The following COL4A3 variants were observed in gnomAD, a reference collection of about 807,000 sequenced individuals.
COL4A3 encodes collagen type IV alpha 3 chain.
A neutral mutation model predicts 217.4 loss-of-function variants in COL4A3; 135 were observed. The ratio of observed to expected loss-of-function variants is 0.62; its 90% CI spans 0.54 to 0.72. The LOEUF is 0.72. COL4A3 is among the 30% of genes least tolerant of loss of function. The pLI, the probability that COL4A3 is intolerant of heterozygous loss-of-function variation, is 0.00. For synonymous variants in COL4A3, 690 were observed against 736.3 expected (o/e 0.94, Z 1.02); for missense variants, 1,868 against 2,119.9 (o/e 0.88, Z 2.33).
In COL4A3 at chr2:227,300,749, G is replaced by A. The variant is rs544226072; in HGVS notation, c.3882+1937G>A. ...ACTGTGTGGTAGGAAGAATGCAGGG[G>A]GCTGTGGGGACACAGAGGAAGGGTA... On this transcript the variant is annotated intron_variant, in intron 43 of 51. Coordinates refer to ENST00000396578, the MANE Select transcript of COL4A3 (RefSeq NM_000091.5). 4.7e-4 allele frequency among the ~76,000 whole-genome samples: 71 copies of A among 152,308 alleles called. 1 individual carries two copies. The highest frequency in any genetic ancestry group is 8.4e-4 in the Non-Finnish European group (57 of 68,030).
chr2:227,229,505 G>C (rs2068273246), intron 1 of COL4A3, among the ~76,000 whole-genome samples: 1 of 152,186 alleles, frequency 6.6e-6, no homozygotes, highest in Admixed American at 6.5e-5. Context: ...CACTGGACAA[G>C]GGACTTCAAG....
chr2:227,263,674 T>G (rs571377773), intron 20 of COL4A3, 106 bp from the exon 21 acceptor site: 1 of 1,164,848 alleles, frequency 8.6e-7, no homozygotes, highest in African/African-American at 1.6e-5. Flanking sequence ...TACCTCTCCA[T>G]TGTGCAATTT....
intron 29 of COL4A3, 37 bp downstream of exon 29, chr2:227,279,927 G>C (rs765533902): frequency 6.7e-7 from 1 of 1,483,636 alleles, no homozygotes. Context: ...AAGAGAGGGT[G>C]GGTGACCATT....
chr2:227,200,488 T>G (rs1002375108), intron 1 of COL4A3, among the ~76,000 whole-genome samples: 5 of 152,190 alleles, frequency 3.3e-5, no homozygotes, highest in Non-Finnish European at 7.3e-5. Context: ...CCATAGCACA[T>G]AGTCGATGCC....
chr2:227,254,151 G>C lies in COL4A3; in HGVS notation c.805G>C (p.Glu269Gln). Residue 269 changes from glutamate (E) to glutamine (Q), a missense_variant, in exon 14 of 52, where the codon GAG (glutamate) becomes CAG (glutamine). Physicochemically the swap from Glu to Gln is conservative, Grantham distance 29. Around this residue, in one of 2 missense-constraint regions of COL4A3, gnomAD observed 1,503 missense variants for 1,786.1 expected, o/e 0.84. Transcript: ENST00000396578. The part of the protein sequence containing the change: ...GEKGDKGAMG[E>Q]PGPPGPSGLP... Reference sequence around the variant, plus strand: ...AAAGGGAGACAAGGGAGCAATGGGCGAGCCTGGACCTCCTGGACCCTCAGT... The same window carrying C: ...AAAGGGAGACAAGGGAGCAATGGGCCAGCCTGGACCTCCTGGACCCTCAGT... 6.2e-7 allele frequency: 1 copy of C among 1,613,882 alleles called. No individual in the cohort carries two copies. The highest frequency in any genetic ancestry group is 8.5e-7 in the Non-Finnish European group (1 of 1,179,906).
intron 19 of COL4A3, chr2:227,260,137 G>A: frequency 1.6e-6 from 1 of 628,834 alleles, no homozygotes; most frequent in East Asian, 3.3e-5. Flanking sequence ...ATTTGCTGGA[G>A]GGCAGGAGGA....
Position 227,254,162 on chromosome 2 carries a change from T to C in COL4A3, c.816T>C (p.Pro272=). 6.2e-7 allele frequency: 1 copy of C among 1,613,826 alleles called. No individual in the cohort carries two copies. The highest frequency in any genetic ancestry group is 8.5e-7 in the Non-Finnish European group (1 of 1,179,822). ...AGGGAGCAATGGGCGAGCCTGGACC[T>C]CCTGGACCCTCAGTAGGTTATTTAA... ...GDKGAMGEPG[P]PGPSGLPGES... The change falls in exon 14 of 52, where the codon CCT becomes CCC. Residue 272 remains proline, a synonymous_variant. Coordinates refer to ENST00000396578, the MANE Select transcript of COL4A3 (RefSeq NM_000091.5).
At chr2:227,281,130 T>C (rs564495836) in intron 31 of COL4A3, 124 bp downstream of exon 31, 20 of 734,802 alleles carry the variant, frequency 2.7e-5, no homozygotes, top group South Asian at 1.5e-4. Context: ...CAATGAGAAA[T>C]ACTTCAGAAG....
At chr2:227,295,763 G>T (rs1016197805) in intron 41 of COL4A3, among the ~76,000 whole-genome samples, 1 of 152,130 alleles carries the variant, frequency 6.6e-6, no homozygotes, top group African/African-American at 2.4e-5. Flanking sequence ...CCATGCTATT[G>T]TTTATTAAAG....
chr2:227,294,669 CT>C (rs2072943261), intron 39 of COL4A3, 99 bp downstream of exon 39: 1 of 892,102 alleles, frequency 1.1e-6, no homozygotes, highest in Non-Finnish European at 1.9e-6. Flanking sequence ...TAGAAGGTAG[CT>C]CCTAGTTACT....
At chr2:227,257,670 A>G (rs376676330) in intron 18 of COL4A3, 26 bp downstream of exon 18, 6 of 1,606,332 alleles carry the variant, frequency 3.7e-6, no homozygotes, top group Middle Eastern at 1.6e-4. Context: ...GACAATATCA[A>G]TGCTATGTTT....
chr2:227,294,795 G>A (rs2072949382), intron 39 of COL4A3, among the ~76,000 whole-genome samples, 169 bp from the exon 40 acceptor site: 1 of 152,134 alleles, frequency 6.6e-6, no homozygotes, highest in South Asian at 2.1e-4. Context: ...TAATCTGTAT[G>A]TGGTTTTCCC....
At chr2:227,203,887 C>G (rs1257480391) in intron 1 of COL4A3, among the ~76,000 whole-genome samples, 1 of 151,774 alleles carries the variant, frequency 6.6e-6, no homozygotes, top group Non-Finnish European at 1.5e-5. Flanking sequence ...AGCCCATTCC[C>G]CTAAAATATA....
Position 227,280,529 on chromosome 2 carries a change from ACTCCCTGGACTTCCAGGT to A in COL4A3, c.2323_2340del (p.Leu775_Gly780del), listed in dbSNP as rs1306992119. On this transcript the variant is annotated inframe_deletion, in exon 30 of 52. Coordinates refer to ENST00000396578, the MANE Select transcript of COL4A3 (RefSeq NM_000091.5). The stretch of plus-strand genomic sequence containing the variant: ...ATTCTGGGGAACATGGAGAAATTGG[ACTCCCTGGACTTCCAGGT>A]CTCCCTGGAACTCCAGGAAATGAAG... The A allele has an allele frequency of 1.9e-6, 3 of 1,614,040 alleles. No individual in the cohort carries two copies. Among genetic ancestry groups the A allele is most frequent in the South Asian group, 1.1e-5 (1 of 91,076 alleles).
chr2:227,251,467 C>A, intron 11 of COL4A3, 96 bp downstream of exon 11: 1 of 1,152,750 alleles, frequency 8.7e-7, no homozygotes, highest in Non-Finnish European at 1.3e-6. Flanking sequence ...CTGTTAGGCA[C>A]CTCTCTGGAA....
intron 42 of COL4A3, among the ~76,000 whole-genome samples, chr2:227,298,316 C>A (rs960493637): frequency 2.6e-5 from 4 of 152,056 alleles, no homozygotes; most frequent in African/African-American, 9.7e-5. Flanking sequence ...TGCGCCACTG[C>A]ACTGCAGCCT....
In COL4A3 at chr2:227,282,743, G is replaced by C. The variant is rs1388912113; in HGVS notation, c.2656+211G>C. On this transcript the variant is annotated intron_variant, in intron 32 of 51. Transcript: ENST00000396578. The surrounding 1 kb of genome is among the most constrained non-coding windows in gnomAD (Gnocchi z 4.4). ...TACCCAGAATGTGGCTATTTTTGCT[G>C]TGTAATCCTTTTTATATACGACTAC... 6.6e-6 allele frequency among the ~76,000 whole-genome samples: 1 copy of C among 152,182 alleles called. No individual in the cohort carries two copies. The highest frequency in any genetic ancestry group is 1.5e-5 in the Non-Finnish European group (1 of 68,034).
chr2:227,200,240 G>A (rs1313069873), intron 1 of COL4A3, among the ~76,000 whole-genome samples: 1 of 150,540 alleles, frequency 6.6e-6, no homozygotes, highest in African/African-American at 2.4e-5. Flanking sequence ...TTCGAAGAAG[G>A]GACTTTTTTC....
At position 227,298,685 on chromosome 2, in the gene COL4A3, C is replaced by A. The variant is rs761179248; in HGVS notation, c.3755C>A (p.Ala1252Glu). 1.2e-6 allele frequency: 2 copies of A among 1,613,868 alleles called. No homozygotes were observed. The highest frequency in any genetic ancestry group is 1.7e-6 in the Non-Finnish European group (2 of 1,179,892). ...GACAGACTTTTCATGAATTCAGGTG[C>A]GCCTGGTCCCCCTGGACCTCCAGGG... ...GPPGSRGSPG[A>E]PGPPGPPGSH... The change falls in exon 43 of 52, where the codon GCG (alanine) becomes GAG (glutamate). Residue 1252 changes from alanine (A) to glutamate (E), a missense_variant. By Grantham distance (107) the Ala-to-Glu change is moderately radical. Coordinates refer to ENST00000396578, the MANE Select transcript of COL4A3 (RefSeq NM_000091.5).
Sources: gnomAD v4.1 joint callset for allele counts (sites outside exome capture counted in the v4.1 genomes callset) on GRCh38, gnomAD v4.1.1 for gene constraint, gnomAD v4.1.1 regional missense constraint, Gnocchi (gnomAD v3.1) non-coding constraint, MANE v1.5 for transcripts, NCBI Gene and HGNC (gene_info 2026-07-23, HGNC 2026-07-21) for gene names.